KCNT1: variants seen among roughly 807,000 people sequenced by gnomAD.
KCNT1 encodes potassium sodium-activated channel subfamily T member 1.
In KCNT1, 78 loss-of-function variants were observed where a neutral mutation model predicts 147.8. The ratio of observed to expected loss-of-function variants is 0.53; its 90% CI spans 0.44 to 0.64. The LOEUF is 0.64. Ranked by LOEUF, KCNT1 falls within the 30% of genes least tolerant of loss-of-function variation. KCNT1 has a pLI of 0.00. For synonymous variants in KCNT1, 867 were observed against 748.8 expected (o/e 1.16, Z -2.58); for missense variants, 1,419 against 1,750.3 (o/e 0.81, Z 3.38).
intron 19 of KCNT1, among the ~76,000 whole-genome samples, chr9:135,773,648 C>T (rs1832911268): frequency 6.6e-6 from 1 of 152,278 alleles, no homozygotes; most frequent in Admixed American, 6.5e-5. Context: ...CAGACAAGTG[C>T]CCCAGCTGCA....
At chr9:135,716,480 C>T (rs567299378) in intron 2 of KCNT1, among the ~76,000 whole-genome samples, 1 of 152,160 alleles carries the variant, frequency 6.6e-6, no homozygotes, top group South Asian at 2.1e-4. Context: ...ATACATAAAA[C>T]AGAATTTACC....
At chr9:135,764,078 T>C (rs1205712173) in intron 11 of KCNT1, among the ~76,000 whole-genome samples, 1 of 152,158 alleles carries the variant, frequency 6.6e-6, no homozygotes, top group Non-Finnish European at 1.5e-5. Context: ...ATAAGTGCAA[T>C]GCGATGGTCC....
intron 17 of KCNT1, 103 bp from the exon 18 acceptor site, chr9:135,770,754 C>T (rs967113904): frequency 1.1e-5 from 13 of 1,159,748 alleles, no homozygotes; most frequent in Admixed American, 6.8e-5. Flanking sequence ...GAGGAAGACG[C>T]GGAGCTCCGG....
chr9:135,709,603 A>G (rs959158386), intron 1 of KCNT1, among the ~76,000 whole-genome samples: 1 of 152,082 alleles, frequency 6.6e-6, no homozygotes, highest in Non-Finnish European at 1.5e-5. Flanking sequence ...GCATCTCTCT[A>G]ATTATTAGCT....
At position 135,770,332 on chromosome 9, in the gene KCNT1, A is replaced by G. The variant is rs2131507644; in HGVS notation, c.1654A>G (p.Met552Val). The change falls in exon 17 of 31, where the codon ATG (methionine) becomes GTG (valine). Residue 552 changes from methionine to valine, a missense_variant. By Grantham distance (21) the Met-to-Val change is conservative (BLOSUM62 1). Coordinates refer to ENST00000371757, the MANE Select transcript of KCNT1 (RefSeq NM_020822.3). ...GQESPEQWQR[M>V]YGRCSGNEVY... The stretch of plus-strand genomic sequence containing the variant: ...GGAGTCTCCGGAGCAGTGGCAGCGC[A>G]TGTATGGGCGCTGCTCCGGCAACGA... The G allele has an allele frequency of 6.2e-7, 1 of 1,611,426 alleles. No individual in the cohort carries two copies. Among genetic ancestry groups the G allele is most frequent in the Non-Finnish European group, 8.5e-7 (1 of 1,178,964 alleles).
At chr9:135,765,277 A>C (rs1369303899) in intron 12 of KCNT1, 82 bp downstream of exon 12, 18 of 1,336,664 alleles carry the variant, frequency 1.3e-5, no homozygotes, top group Non-Finnish European at 1.9e-5. Context: ...CTGCTTGGCA[A>C]GTCCCTGAGT....
chr9:135,758,801 A>G (rs1254618093), intron 10 of KCNT1, among the ~76,000 whole-genome samples: 1 of 152,214 alleles, frequency 6.6e-6, no homozygotes, highest in Non-Finnish European at 1.5e-5. Context: ...ACTGGCCCCT[A>G]GGCCAGGTGG....
intron 10 of KCNT1, among the ~76,000 whole-genome samples, chr9:135,759,164 C>T (rs1257473760): frequency 3.3e-5 from 5 of 152,172 alleles, no homozygotes; most frequent in Admixed American, 1.3e-4. Context: ...GACCTGGCGG[C>T]GACCCCAGCC....
chr9:135,730,997 A>G lies in KCNT1; in HGVS notation c.254+16277A>G, dbSNP rs1836409475. Among the ~76,000 whole-genome samples, 1 of 150,072 alleles carries G rather than the reference A, an allele frequency of 6.7e-6. No individual in the cohort carries two copies. The highest frequency in any genetic ancestry group is 2.5e-5 in the African/African-American group (1 of 40,252). On this transcript the variant is annotated intron_variant, in intron 2 of 30. Coordinates refer to ENST00000371757, the MANE Select transcript of KCNT1 (RefSeq NM_020822.3). The surrounding 1 kb of genome is among the most constrained non-coding windows in gnomAD (Gnocchi z 4.7). ...TGAGATCCCGTCTCAAGGTAAAAAA[A>G]AAAAAAAAAAAAAAAAGTGTGGTTT...
At chr9:135,709,593 G>C (rs749183977) in intron 1 of KCNT1, among the ~76,000 whole-genome samples, 1 of 152,156 alleles carries the variant, frequency 6.6e-6, no homozygotes, top group Non-Finnish European at 1.5e-5. Flanking sequence ...GTCCAACTCT[G>C]CATCTCTCTA....
intron 2 of KCNT1, among the ~76,000 whole-genome samples, chr9:135,744,448 C>T (rs1830712081): frequency 6.6e-6 from 1 of 152,248 alleles, no homozygotes. Context: ...GGGGCCCAGG[C>T]CTGGCTCAAC....
intron 2 of KCNT1, among the ~76,000 whole-genome samples, chr9:135,715,774 A>G (rs1179028921): frequency 1.3e-5 from 2 of 152,202 alleles, no homozygotes; most frequent in African/African-American, 4.8e-5. Flanking sequence ...GAAGATTTGT[A>G]AAAAGGGGGT....
In KCNT1 at chr9:135,771,025, G is replaced by T. The variant is rs753543470; in HGVS notation, c.1938G>T (p.Arg646Ser). ...IFKQEEKRKK[R>S]AFSGQGLHEG... ...AGCAGGAGGAGAAGCGGAAGAAGAG[G>T]GCCTTCTCGGGGCAGGGGCTGCACG... The change falls in exon 18 of 31, where the codon AGG becomes AGT. Residue 646 changes from arginine (R) to serine (S), a missense_variant. Arg to Ser is a moderately radical substitution (Grantham distance 110). Coordinates refer to ENST00000371757, the MANE Select transcript of KCNT1 (RefSeq NM_020822.3). 39 of 1,613,332 alleles carry T rather than the reference G, an allele frequency of 2.4e-5. No homozygotes were observed. Among genetic ancestry groups the T allele is most frequent in the Non-Finnish European group, 3.2e-5 (38 of 1,179,724 alleles).
chr9:135,702,403 C>G, intron 1 of KCNT1, 35 bp downstream of exon 1: 8 of 1,468,202 alleles, frequency 5.4e-6, no homozygotes, highest in Non-Finnish European at 7.4e-6. Flanking sequence ...CGCGGGGAGG[C>G]CCCGGTCTAA....
Position 135,784,512 on chromosome 9 carries a change from TCCC to T in KCNT1, c.2944-22_2944-20del. On this transcript the variant is annotated intron_variant, in intron 25 of 30. Transcript: ENST00000371757. ...CTCCCTCCCTCCCTCCCTCCCTCCC[TCCC>T]TCCCTCCCTCCCTGGCCAGTCCTTC... 1.2e-5 allele frequency: 2 copies of T among 167,928 alleles called. No individual in the cohort carries two copies. Among genetic ancestry groups the T allele is most frequent in the Admixed American group, 1.1e-4 (1 of 9,246 alleles). The allele number at this position is 167,928 out of a possible 1,614,324, so 10.4% of individuals were successfully genotyped here.
intron 23 of KCNT1, 133 bp from the exon 24 acceptor site, chr9:135,779,226 G>A: frequency 3.4e-6 from 2 of 587,494 alleles, no homozygotes; most frequent in Non-Finnish European, 5.9e-6. Flanking sequence ...AAGACAGTGG[G>A]CCCTGCCCTG....
chr9:135,748,043 A>T (rs1830939317), intron 2 of KCNT1, among the ~76,000 whole-genome samples: 1 of 151,966 alleles, frequency 6.6e-6, no homozygotes, highest in African/African-American at 2.4e-5. Flanking sequence ...CTAAGTTCAA[A>T]CGATTCTCCT....
At chr9:135,717,521 G>A (rs1159164834) in intron 2 of KCNT1, among the ~76,000 whole-genome samples, 2 of 152,146 alleles carry the variant, frequency 1.3e-5, no homozygotes, top group Non-Finnish European at 2.9e-5. Flanking sequence ...TGCGGGGGCT[G>A]GTGAGGCTGG....
chr9:135,703,788 G>A (rs1835133000), intron 1 of KCNT1, among the ~76,000 whole-genome samples: 1 of 152,214 alleles, frequency 6.6e-6, no homozygotes, highest in Non-Finnish European at 1.5e-5. Flanking sequence ...GCAGGACAGT[G>A]TCCTCAGGGT....
Sources: allele counts gnomAD v4.1 joint callset (sites outside exome capture counted in the v4.1 genomes callset), GRCh38; gene constraint gnomAD v4.1.1; non-coding constraint Gnocchi (gnomAD v3.1); transcripts MANE v1.5; gene names NCBI Gene and HGNC (gene_info 2026-07-23, HGNC 2026-07-21).